The following WDPCP variants were observed in gnomAD, a reference collection of about 807,000 sequenced individuals.
The protein encoded by WDPCP is WD repeat-containing and planar cell polarity effector protein fritz homolog.
Under a neutral mutation model 93.1 loss-of-function variants are expected in WDPCP, and 71 were observed. The ratio of observed to expected loss-of-function variants is 0.76; its 90% CI spans 0.63 to 0.93. The LOEUF is 0.93. WDPCP is among the 40% of genes least tolerant of loss of function. The pLI, the probability that WDPCP is intolerant of heterozygous loss-of-function variation, is 0.00. For missense variants in WDPCP, 844 were observed against 887.4 expected (o/e 0.95, Z 0.62); for synonymous variants, 315 against 315.0 (o/e 1.00, Z 0.00).
chr2:63,392,520 G>A (rs1009267702), intron 10 of WDPCP, among the ~76,000 whole-genome samples: 7 of 152,074 alleles, frequency 4.6e-5, no homozygotes, highest in African/African-American at 1.7e-4. Context: ...GGCAACAAAA[G>A]CCAAAATTGA....
intron 6 of WDPCP, among the ~76,000 whole-genome samples, chr2:63,453,548 T>C (rs1698410468): frequency 6.6e-6 from 1 of 152,062 alleles, no homozygotes; most frequent in Non-Finnish European, 1.5e-5. Flanking sequence ...ATTCCTCAAG[T>C]ATATAGAACT....
chr2:63,348,960 T>C (rs1229270514), intron 12 of WDPCP, among the ~76,000 whole-genome samples: 1 of 152,118 alleles, frequency 6.6e-6, no homozygotes, highest in African/African-American at 2.4e-5. Flanking sequence ...TGAAAACATG[T>C]TGAGATAGTG....
In WDPCP at chr2:63,259,295, G is replaced by T. The variant is rs774811134; in HGVS notation, c.1915+12C>A. ...AAAATAAAAAGCACTTAAAAATAGC[G>T]TTAATTCTTACCAACCCCAGAGGTT... On this transcript the variant is annotated intron_variant, in intron 14 of 17. Coordinates refer to ENST00000272321, the MANE Select transcript of WDPCP (RefSeq NM_015910.7). The T allele has an allele frequency of 2.5e-6, 4 of 1,607,094 alleles. No individual in the cohort carries two copies. Among genetic ancestry groups the T allele is most frequent in the Non-Finnish European group, 3.4e-6 (4 of 1,174,850 alleles).
At chr2:63,285,550 T>A (rs2421881) in intron 13 of WDPCP, among the ~76,000 whole-genome samples, 1 of 151,732 alleles carries the variant, frequency 6.6e-6, no homozygotes, top group Admixed American at 6.6e-5. Context: ...CAAAGATAGG[T>A]AGAAATAATA....
At chr2:63,643,167 G>A (rs183833863) in intron 3 of WDPCP, 26 of 180,050 alleles carry the variant, frequency 1.4e-4, no homozygotes, top group Non-Finnish European at 2.9e-4. Context: ...TGCATTCCTG[G>A]GATAAATCCA....
intron 6 of WDPCP, among the ~76,000 whole-genome samples, chr2:63,477,301 A>G (rs1302714545): frequency 6.6e-6 from 1 of 152,166 alleles, no homozygotes; most frequent in Non-Finnish European, 1.5e-5. Flanking sequence ...AAATTATTAA[A>G]CACTTTTAGT....
chr2:63,620,488 G>A (rs1198437979), intron 3 of WDPCP, among the ~76,000 whole-genome samples: 2 of 152,216 alleles, frequency 1.3e-5, no homozygotes, highest in Non-Finnish European at 2.9e-5. Flanking sequence ...TCCCCTCTGG[G>A]CAGGACATCC....
At chr2:63,380,164 T>C (rs1464439247) in intron 11 of WDPCP, among the ~76,000 whole-genome samples, 1 of 152,140 alleles carries the variant, frequency 6.6e-6, no homozygotes, top group Non-Finnish European at 1.5e-5. Context: ...TAACTGTAAA[T>C]TTATGATCTC....
At chr2:63,383,225 G>C (rs1243358994) in intron 10 of WDPCP, among the ~76,000 whole-genome samples, 1 of 152,034 alleles carries the variant, frequency 6.6e-6, no homozygotes, top group African/African-American at 2.4e-5. Context: ...CTAAAATTAT[G>C]TAATCCAGAA....
At chr2:63,476,786 C>T (rs1051508265) in intron 6 of WDPCP, among the ~76,000 whole-genome samples, 4 of 152,038 alleles carry the variant, frequency 2.6e-5, no homozygotes, top group Admixed American at 6.6e-5. Context: ...AATTGAGTTT[C>T]GCACAACTTG....
intron 1 of WDPCP, among the ~76,000 whole-genome samples, chr2:63,573,257 A>G (rs2121352): frequency 0.77 from 115,627 of 149,858 alleles, 44,904 homozygotes; most frequent in East Asian, 0.98. Context: ...AAAAAAAAAA[A>G]AAAGGATTCG....
chr2:63,148,193 G>C (rs1315535013), intron 17 of WDPCP, among the ~76,000 whole-genome samples: 1 of 151,988 alleles, frequency 6.6e-6, no homozygotes, highest in East Asian at 2.0e-4. Context: ...TGATTCCTGA[G>C]AGTTGATAAA....
rs141103287 is a variant in WDPCP, at chr2:63,636,111, T to C, written n.488+14548A>G. Among the ~76,000 whole-genome samples the C allele has an allele frequency of 2.9e-3, 434 of 152,252 alleles. 2 individuals are homozygous for C. The highest frequency in any genetic ancestry group is 9.7e-3 in the African/African-American group (405 of 41,552). ...ATCAAGAAAACAATCCCATTTACAA[T>C]AGCATCAAAAAAATTAATGTATTTG... On this transcript the variant is annotated intron_variant and non_coding_transcript_variant, in intron 3 of 4. Coordinates refer to the WDPCP transcript ENST00000467687.
intron 2 of WDPCP, among the ~76,000 whole-genome samples, chr2:63,728,833 T>C (rs2103816387): frequency 6.6e-6 from 1 of 152,322 alleles, no homozygotes; most frequent in African/African-American, 2.4e-5. Context: ...TACAGTCTCA[T>C]GAACATGAAC....
At chr2:63,706,340 G>C (rs557942582) in intron 2 of WDPCP, among the ~76,000 whole-genome samples, 2 of 152,144 alleles carry the variant, frequency 1.3e-5, no homozygotes, top group Admixed American at 1.3e-4. Flanking sequence ...CTGTCATTAT[G>C]ATGTTAGCTG....
chr2:63,468,568 A>G (rs2105803146), intron 6 of WDPCP, among the ~76,000 whole-genome samples: 1 of 152,308 alleles, frequency 6.6e-6, no homozygotes, highest in Non-Finnish European at 1.5e-5. Flanking sequence ...TGTATGTAAC[A>G]CAAACCTGAA....
chr2:63,485,925 C>T (rs961803570), intron 4 of WDPCP, among the ~76,000 whole-genome samples: 5 of 151,708 alleles, frequency 3.3e-5, no homozygotes, highest in African/African-American at 9.6e-5. Context: ...TGATGTAGAA[C>T]GTATATGCAA....
In WDPCP at chr2:63,788,562, G is replaced by T. The variant is rs1056889025; in HGVS notation, n.308+25060C>A. On this transcript the variant is annotated intron_variant and non_coding_transcript_variant, in intron 2 of 4. Transcript: ENST00000467687. ...TTTTCTAATGCTAAATACATACTTA[G>T]TTCTATTTTACTTACTTGTATCATT... Among the ~76,000 whole-genome samples the T allele has an allele frequency of 2.6e-5, 4 of 152,124 alleles. No homozygotes were observed. In the East Asian group the frequency reaches 5.8e-4, roughly 22 times the overall value.
At chr2:63,652,863 A>T (rs116074882) in intron 2 of WDPCP, among the ~76,000 whole-genome samples, 8 of 152,294 alleles carry the variant, frequency 5.3e-5, no homozygotes, top group African/African-American at 1.9e-4. Flanking sequence ...CAGATAAGGG[A>T]GTTTAAAGTA....
Sources: allele counts gnomAD v4.1 joint callset (sites outside exome capture counted in the v4.1 genomes callset), GRCh38; gene constraint gnomAD v4.1.1; transcripts MANE v1.5; gene names NCBI Gene and HGNC (gene_info 2026-07-23, HGNC 2026-07-21).